KIAA2012: variants seen among roughly 807,000 people sequenced by gnomAD.
KIAA2012 encodes uncharacterized protein KIAA2012.
In KIAA2012, 125 loss-of-function variants were observed where a neutral mutation model predicts 150.6. The ratio of observed to expected loss-of-function variants is 0.83; its 90% CI spans 0.72 to 0.96. The LOEUF is 0.96. Among genes scored for constraint, KIAA2012 ranks in the 40% least tolerant of loss-of-function variants. The pLI, the probability that KIAA2012 is intolerant of heterozygous loss-of-function variation, is 0.00. For missense variants in KIAA2012, 1,219 were observed against 1,354.9 expected (o/e 0.90, Z 1.57); for synonymous variants, 462 against 504.7 (o/e 0.92, Z 1.13).
chr2:202,185,114 G>A (rs1197180327), intron 16 of KIAA2012, among the ~76,000 whole-genome samples: 2 of 151,996 alleles, frequency 1.3e-5, no homozygotes, highest in Admixed American at 6.6e-5. Flanking sequence ...CTTTCCATTT[G>A]CCCAATCTGA....
chr2:202,111,457 C>T (rs1690350060), intron 10 of KIAA2012, among the ~76,000 whole-genome samples: 2 of 141,214 alleles, frequency 1.4e-5, no homozygotes, highest in South Asian at 4.5e-4. Context: ...TTGCAGTGAG[C>T]CGAGATAGCA....
At chr2:202,176,288 C>A (rs1430476299) in intron 15 of KIAA2012, among the ~76,000 whole-genome samples, 1 of 151,964 alleles carries the variant, frequency 6.6e-6, no homozygotes, top group Non-Finnish European at 1.5e-5. Context: ...CCTCTGTCCC[C>A]TGGGTTCAAG....
intron 19 of KIAA2012, among the ~76,000 whole-genome samples, chr2:202,191,667 G>A (rs1692330182): frequency 6.6e-6 from 1 of 152,174 alleles, no homozygotes; most frequent in African/African-American, 2.4e-5. Context: ...TTCCTCTGCT[G>A]TTGGAATAAA....
chr2:202,086,792 T>C (rs1431401249), intron 2 of KIAA2012, among the ~76,000 whole-genome samples: 2 of 152,196 alleles, frequency 1.3e-5, no homozygotes, highest in Non-Finnish European at 2.9e-5. Flanking sequence ...CCAGGCTTTC[T>C]CACAAGCTGT....
At chr2:202,115,095 T>TTTTG (rs955072872) in intron 11 of KIAA2012, 25 of 159,794 alleles carry the variant, frequency 1.6e-4, no homozygotes, top group Non-Finnish European at 3.1e-4. Flanking sequence ...GTTTGGGCTT[T>TTTTG]TTTGTTTGTT....
At chr2:202,192,115 T>C (rs1308512298) in intron 19 of KIAA2012, among the ~76,000 whole-genome samples, 1 of 152,236 alleles carries the variant, frequency 6.6e-6, no homozygotes, top group African/African-American at 2.4e-5. Flanking sequence ...GCACAACAGA[T>C]GAAAATTTTA....
At chr2:202,131,146 T>C (rs1690918584) in intron 12 of KIAA2012, among the ~76,000 whole-genome samples, 1 of 152,068 alleles carries the variant, frequency 6.6e-6, no homozygotes. Context: ...GTTTTTTTGT[T>C]TGTTTGTTTT....
chr2:202,173,194 A>G (rs1288557085), intron 15 of KIAA2012, among the ~76,000 whole-genome samples: 1 of 152,242 alleles, frequency 6.6e-6, no homozygotes, highest in African/African-American at 2.4e-5. Context: ...CCTTCCAGGA[A>G]GAAAAGCTCA....
intron 12 of KIAA2012, among the ~76,000 whole-genome samples, chr2:202,131,704 C>T (rs900821492): frequency 6.6e-6 from 1 of 151,986 alleles, no homozygotes; most frequent in Non-Finnish European, 1.5e-5. Context: ...AGGAACTAGC[C>T]GAGTGGTAAA....
chr2:202,171,176 C>G (rs1691880884), intron 15 of KIAA2012, among the ~76,000 whole-genome samples: 1 of 142,940 alleles, frequency 7.0e-6, no homozygotes, highest in Admixed American at 7.4e-5. Context: ...CATAGACACA[C>G]ACACAGACAC....
At chr2:202,081,691 G>T (rs1055094784) in intron 2 of KIAA2012, among the ~76,000 whole-genome samples, 1 of 151,996 alleles carries the variant, frequency 6.6e-6, no homozygotes, top group Non-Finnish European at 1.5e-5. Context: ...GGGATTACAG[G>T]CATGCACCAC....
Position 202,090,903 on chromosome 2 carries a change from A to C in KIAA2012, c.503A>C (p.Asp168Ala), listed in dbSNP as rs1689702485. The C allele has an allele frequency of 6.5e-7, 1 of 1,550,216 alleles. No homozygotes were observed. Among genetic ancestry groups the C allele is most frequent in the African/African-American group, 1.4e-5 (1 of 73,048 alleles). Reference protein sequence around the residue: ...LRGLLRTWPPDAMYRLWCAGY... With the variant: ...LRGLLRTWPPAAMYRLWCAGY... The stretch of plus-strand genomic sequence containing the variant: ...GGCCTCCTGCGGACTTGGCCCCCAG[A>C]CGCCATGTATAGGCTCTGGTGCGCA... Residue 168 changes from aspartate (D) to alanine (A), a missense_variant, in exon 3 of 24, where the codon GAC (aspartate) becomes GCC (alanine). Asp to Ala is a moderately radical substitution (Grantham distance 126, BLOSUM62 -2). Transcript: ENST00000498697.
chr2:202,147,810 T>C (rs1448786196), intron 13 of KIAA2012, among the ~76,000 whole-genome samples: 1 of 152,140 alleles, frequency 6.6e-6, no homozygotes, highest in Non-Finnish European at 1.5e-5. Context: ...AGTTGTGAGT[T>C]AGAAGGAGCT....
chr2:202,122,167 C>T (rs1437750933), intron 11 of KIAA2012, among the ~76,000 whole-genome samples: 1 of 152,170 alleles, frequency 6.6e-6, no homozygotes, highest in Non-Finnish European at 1.5e-5. Flanking sequence ...AGGAGAGAGC[C>T]AAAATGCTGC....
rs1053835820 is a variant in KIAA2012 at position 202,167,041 on chromosome 2, C to T, written c.2119+1685C>T. Reference sequence around the variant, plus strand: ...ACAAAAAATTAGCCAGGTGCGGTGGCGGGTGCCTGTTAGTCCCAGCTACTC... The same window carrying T: ...ACAAAAAATTAGCCAGGTGCGGTGGTGGGTGCCTGTTAGTCCCAGCTACTC... On this transcript the variant is annotated intron_variant, in intron 15 of 23. Coordinates refer to ENST00000498697, the MANE Select transcript of KIAA2012 (RefSeq NM_001277372.4). 6.6e-5 allele frequency among the ~76,000 whole-genome samples: 10 copies of T among 152,016 alleles called. No individual in the cohort carries two copies. The South Asian group carries it at 1.9e-3, about 28-fold the overall frequency.
At chr2:202,117,750 C>A (rs1277073013) in intron 11 of KIAA2012, among the ~76,000 whole-genome samples, 2 of 152,174 alleles carry the variant, frequency 1.3e-5, no homozygotes, top group Middle Eastern at 6.3e-3. Context: ...GGTTCTAGGG[C>A]CAGATACATT....
rs1238911471 is a variant in KIAA2012, at chr2:202,075,084, A to G, written c.278A>G (p.Tyr93Cys). The change falls in exon 2 of 24, where the codon TAC becomes TGC. Residue 93 changes from tyrosine to cysteine, a missense_variant. By Grantham distance (194) the Tyr-to-Cys change is radical (BLOSUM62 -2). Coordinates refer to ENST00000498697, the MANE Select transcript of KIAA2012 (RefSeq NM_001277372.4). ...WTPKERRKGP[Y>C]CPRGPWRKLD... The stretch of plus-strand genomic sequence containing the variant: ...CCCAAAGAGAGGAGAAAAGGCCCCT[A>G]CTGCCCCAGAGGTCCCTGGAGGAAG... 2.6e-6 allele frequency: 4 copies of G among 1,550,532 alleles called. No individual in the cohort carries two copies. The highest frequency in any genetic ancestry group is 2.6e-6 in the Non-Finnish European group (3 of 1,146,982).
chr2:202,165,193 C>A, intron 14 of KIAA2012, 91 bp from the exon 15 acceptor site: 2 of 1,259,950 alleles, frequency 1.6e-6, no homozygotes, highest in African/African-American at 1.5e-5. Flanking sequence ...ACTGGCTTCC[C>A]TCTTACCAAA....
At chr2:202,112,602 G>A (rs1249497557) in intron 10 of KIAA2012, among the ~76,000 whole-genome samples, 1 of 152,158 alleles carries the variant, frequency 6.6e-6, no homozygotes, top group Non-Finnish European at 1.5e-5. Context: ...GCCCTACCCT[G>A]TGGGATCTGA....
Sources: allele counts gnomAD v4.1 joint callset (sites outside exome capture counted in the v4.1 genomes callset), GRCh38; gene constraint gnomAD v4.1.1; transcripts MANE v1.5; gene names NCBI Gene and HGNC (gene_info 2026-07-23, HGNC 2026-07-21).